Variants in BMP1 observed in about 807,000 individuals in gnomAD.
BMP1 encodes the protein bone morphogenetic protein 1.
A neutral mutation model predicts 116.8 loss-of-function variants in BMP1; 63 were observed. That is an observed-to-expected ratio of 0.54 (90% confidence interval 0.44 to 0.67). BMP1 has a LOEUF of 0.67. BMP1 is among the 30% of genes least tolerant of loss of function. The pLI is 0.00. For synonymous variants in BMP1, 536 were observed against 533.4 expected (o/e 1.00, Z -0.07); for missense variants, 1,183 against 1,358.9 (o/e 0.87, Z 2.04).
At chr8:22,181,656 G>A (rs558402512) in intron 8 of BMP1, among the ~76,000 whole-genome samples, 1 of 151,736 alleles carries the variant, frequency 6.6e-6, no homozygotes, top group Admixed American at 6.6e-5. Flanking sequence ...AGGGTCAAGC[G>A]ATACTCCCAC....
At chr8:22,165,882 C>CGTGTGTGCGTGTGTGT (rs1828086136) in intron 1 of BMP1, among the ~76,000 whole-genome samples, 1 of 131,314 alleles carries the variant, frequency 7.6e-6, no homozygotes, top group Non-Finnish European at 1.6e-5. Flanking sequence ...CCTGTGCGTG[C>CGTGTGTGCGTGTGTGT]GTGTGTGTGT....
intron 2 of BMP1, among the ~76,000 whole-genome samples, chr8:22,174,937 G>A (rs1248842183): frequency 2.0e-5 from 3 of 152,192 alleles, no homozygotes; most frequent in Non-Finnish European, 4.4e-5. Flanking sequence ...CCAAAGGGCA[G>A]GGATTCTTAT....
At chr8:22,209,752 C>T in intron 19 of BMP1, 57 bp downstream of exon 19, 1 of 1,569,922 alleles carries the variant, frequency 6.4e-7, no homozygotes, top group African/African-American at 1.3e-5. Context: ...ACACTGTCCT[C>T]CACCCTTCTC....
intron 16 of BMP1, among the ~76,000 whole-genome samples, chr8:22,202,395 A>G (rs1011258517): frequency 6.6e-6 from 1 of 152,164 alleles, no homozygotes; most frequent in Non-Finnish European, 1.5e-5. Flanking sequence ...AATAGTACCC[A>G]CCTCAGAGAG....
intron 18 of BMP1, among the ~76,000 whole-genome samples, chr8:22,208,250 C>T (rs1288487193): frequency 6.6e-6 from 1 of 152,230 alleles, no homozygotes; most frequent in African/African-American, 2.4e-5. Context: ...GTCCCAGAAA[C>T]AGACCAAGCA....
At chr8:22,174,553 G>A (rs1828374937) in intron 2 of BMP1, among the ~76,000 whole-genome samples, 1 of 151,688 alleles carries the variant, frequency 6.6e-6, no homozygotes, top group Non-Finnish European at 1.5e-5. Flanking sequence ...TTTGAGACAT[G>A]GTCCTGAGAG....
chr8:22,177,810 AC>A (rs2131851275), intron 5 of BMP1, 41 bp from the exon 6 acceptor site: 1 of 1,380,312 alleles, frequency 7.2e-7, no homozygotes, highest in Non-Finnish European at 1.0e-6. Flanking sequence ...AGGCAGACCC[AC>A]CCCCTCCTCT....
At chr8:22,197,806 A>G (rs527265410) in intron 15 of BMP1, among the ~76,000 whole-genome samples, 149 of 152,266 alleles carry the variant, frequency 9.8e-4, no homozygotes, top group Admixed American at 2.8e-3. Flanking sequence ...TTTGCCTTGG[A>G]CTGTGTGGAG....
intron 2 of BMP1, among the ~76,000 whole-genome samples, chr8:22,174,305 T>G (rs1349529794): frequency 6.6e-6 from 1 of 152,242 alleles, no homozygotes; most frequent in African/African-American, 2.4e-5. Context: ...GTGATCACAC[T>G]GTTACCCTGT....
intron 16 of BMP1, among the ~76,000 whole-genome samples, chr8:22,203,805 T>A (rs1176539548): frequency 6.6e-6 from 1 of 152,062 alleles, no homozygotes; most frequent in Non-Finnish European, 1.5e-5. Flanking sequence ...AGTTCCTGAG[T>A]CATGGAACTA....
In BMP1 at chr8:22,165,575, G is replaced by A. The variant is rs757759490; in HGVS notation, c.148+22G>A. Reference sequence around the variant, plus strand: ...GCGGGTGAGCGCCCCCCGGCCCCCCGGCGACGGGCCAGGCGGGGAGGCGCG... The same window carrying A: ...GCGGGTGAGCGCCCCCCGGCCCCCCAGCGACGGGCCAGGCGGGGAGGCGCG... On this transcript the variant is annotated intron_variant, in intron 1 of 19. Transcript: ENST00000306385. 11 of 1,567,334 alleles carry A rather than the reference G, an allele frequency of 7.0e-6. No homozygotes were observed. In the East Asian group the frequency reaches 2.3e-4, roughly 32 times the overall value.
intron 18 of BMP1, among the ~76,000 whole-genome samples, chr8:22,208,609 C>T (rs1304345219): frequency 6.6e-6 from 1 of 152,238 alleles, no homozygotes; most frequent in Non-Finnish European, 1.5e-5. Context: ...AGGTCATTTA[C>T]TTTGGCCGAA....
At chr8:22,202,060 C>T in intron 16 of BMP1, 132 bp downstream of exon 16, 1 of 1,316,134 alleles carries the variant, frequency 7.6e-7, no homozygotes, top group Non-Finnish European at 1.0e-6. Context: ...CCTCATTCCC[C>T]CACCCACCTG....
At chr8:22,176,485 T>C (rs879363886) in intron 3 of BMP1, 48 bp from the exon 4 acceptor site, 1 of 1,592,674 alleles carries the variant, frequency 6.3e-7, no homozygotes, top group Non-Finnish European at 8.6e-7. Context: ...GGGTAGGGGG[T>C]GGGACTGCCT....
intron 15 of BMP1, 110 bp downstream of exon 15, chr8:22,197,530 G>A: frequency 1.6e-6 from 2 of 1,273,000 alleles, no homozygotes; most frequent in Non-Finnish European, 2.2e-6. Context: ...GTGCCAGGCA[G>A]GCAGAGTCTG....
chr8:22,173,740 C>A (rs1828351257), intron 2 of BMP1, 25 bp downstream of exon 2: 1 of 1,575,306 alleles, frequency 6.3e-7, no homozygotes, highest in African/African-American at 1.4e-5. Context: ...AATGGGCCCT[C>A]TGTGTCCTAG....
chr8:22,179,355 G>C lies in BMP1; in HGVS notation c.837-350G>C, dbSNP rs187254719. Among the ~76,000 whole-genome samples the C allele has an allele frequency of 6.6e-6, 1 of 152,352 alleles. No homozygotes were observed. Among genetic ancestry groups the C allele is most frequent in the Non-Finnish European group, 1.5e-5 (1 of 68,038 alleles). Reference sequence around the variant, plus strand: ...CAGAAGCAGGGGCCCAGTGGGGCTGGAGAGAGATGACCCGCTAGGGGCCTG... The same window carrying C: ...CAGAAGCAGGGGCCCAGTGGGGCTGCAGAGAGATGACCCGCTAGGGGCCTG... On this transcript the variant is annotated intron_variant, in intron 6 of 19. Coordinates refer to ENST00000306385, the MANE Select transcript of BMP1 (RefSeq NM_006129.5). This position sits in a 1 kb window ranked among gnomAD's most constrained non-coding sequence, Gnocchi z 4.6.
At chr8:22,200,451 T>G (rs1412231355) in intron 15 of BMP1, among the ~76,000 whole-genome samples, 1 of 152,176 alleles carries the variant, frequency 6.6e-6, no homozygotes, top group East Asian at 1.9e-4. Flanking sequence ...TAGGTGGGAA[T>G]GCAGAGTGTG....
intron 8 of BMP1, among the ~76,000 whole-genome samples, chr8:22,181,892 C>T (rs1359795059): frequency 1.3e-5 from 2 of 152,120 alleles, no homozygotes; most frequent in African/African-American, 4.8e-5. Context: ...CTCTTCTTCT[C>T]CCTTAAGCCC....
Sources: gnomAD v4.1 joint callset for allele counts (sites outside exome capture counted in the v4.1 genomes callset) on GRCh38, gnomAD v4.1.1 for gene constraint, Gnocchi (gnomAD v3.1) non-coding constraint, MANE v1.5 for transcripts, NCBI Gene and HGNC (gene_info 2026-07-23, HGNC 2026-07-21) for gene names.